Variants in PSMC4 observed in about 807,000 individuals in gnomAD.
PSMC4 encodes 26S proteasome regulatory subunit 6B.
In PSMC4, 13 loss-of-function variants were observed where a neutral mutation model predicts 48.4. The ratio of observed to expected loss-of-function variants is 0.27; its 90% CI spans 0.18 to 0.43. The LOEUF (loss-of-function observed/expected upper bound fraction) is 0.43. Among genes scored for constraint, PSMC4 ranks in the 20% least tolerant of loss-of-function variants. PSMC4 has a pLI of 1.00. For synonymous variants in PSMC4, 202 were observed against 212.3 expected (o/e 0.95, Z 0.42); for missense variants, 262 against 555.9 (o/e 0.47, Z 5.32).
chr19:39,973,553 A>C (rs1971140821), intron 3 of PSMC4, among the ~76,000 whole-genome samples: 1 of 147,582 alleles, frequency 6.8e-6, no homozygotes, highest in African/African-American at 2.5e-5. Context: ...ACTGTACTAC[A>C]GCCTGGGTGA....
chr19:39,972,332 C>G (rs1388385319), intron 2 of PSMC4, 37 bp from the exon 3 acceptor site: 2 of 1,611,936 alleles, frequency 1.2e-6, no homozygotes, highest in East Asian at 4.5e-5. Flanking sequence ...ATCAGCAAGT[C>G]TGGAGCCATC....
rs749454770 is a variant in PSMC4 at position 39,974,758 on chromosome 19, C to T, written c.603C>T (p.Gly201=). Reference sequence around the variant, plus strand: ...AGATCGGCATCGATCCCCCCCGAGGCGTCCTCATGTATGGCCCACCTGGCT... The same window carrying T: ...AGATCGGCATCGATCCCCCCCGAGGTGTCCTCATGTATGGCCCACCTGGCT... The part of the protein sequence containing the change: ...YKQIGIDPPR[G]VLMYGPPGCG... The change falls in exon 6 of 11, where the codon GGC becomes GGT. Residue 201 remains glycine (G), a synonymous_variant. Coordinates refer to ENST00000157812, the MANE Select transcript of PSMC4 (RefSeq NM_006503.4). This position sits in a 1 kb window ranked among gnomAD's most constrained non-coding sequence, Gnocchi z 5.5. 10 of 1,613,992 alleles carry T rather than the reference C, an allele frequency of 6.2e-6. No individual in the cohort carries two copies. Among genetic ancestry groups the T allele is most frequent in the East Asian group, 2.2e-5 (1 of 44,886 alleles).
chr19:39,981,227 T>C lies in PSMC4; in HGVS notation c.1179T>C (p.Ile393=), dbSNP rs140312524. The C allele has an allele frequency of 4.8e-4, 768 of 1,613,920 alleles. No homozygotes were observed. Among genetic ancestry groups the C allele is most frequent in the Non-Finnish European group, 6.1e-4 (718 of 1,179,988 alleles). ...GMLAVRENRY[I]VLAKDFEKAY... ...TGGCTGTCCGTGAAAACCGCTACATTGTCCTGGCCAAGGACTTCGAGAAAG... is the reference window on the plus strand; with the variant it reads ...TGGCTGTCCGTGAAAACCGCTACATCGTCCTGGCCAAGGACTTCGAGAAAG... Residue 393 remains isoleucine (I), a synonymous_variant, in exon 11 of 11, where the codon ATT becomes ATC. Coordinates refer to ENST00000157812, the MANE Select transcript of PSMC4 (RefSeq NM_006503.4).
intron 3 of PSMC4, among the ~76,000 whole-genome samples, chr19:39,972,989 AC>A (rs1971129712): frequency 6.6e-6 from 1 of 151,366 alleles, no homozygotes; most frequent in African/African-American, 2.4e-5. Context: ...CAGGCGATCC[AC>A]CCGCCTCACC....
intron 3 of PSMC4, 98 bp downstream of exon 3, chr19:39,972,653 A>G (rs1396313934): frequency 2.9e-6 from 3 of 1,041,910 alleles, no homozygotes; most frequent in African/African-American, 3.2e-5. Flanking sequence ...GTGCAGTGCA[A>G]TGTTCTTCAG....
At chr19:39,976,589 C>T (rs1397469821) in intron 6 of PSMC4, among the ~76,000 whole-genome samples, 4 of 140,884 alleles carry the variant, frequency 2.8e-5, no homozygotes, top group East Asian at 2.3e-4. Flanking sequence ...GCTTACTGCA[C>T]GCTCTGCCTC....
intron 6 of PSMC4, among the ~76,000 whole-genome samples, 195 bp downstream of exon 6, chr19:39,975,023 G>A (rs1441075568): frequency 6.6e-6 from 1 of 152,200 alleles, no homozygotes; most frequent in African/African-American, 2.4e-5. Context: ...CCCGGTGATA[G>A]TGAGCAGTTA....
In PSMC4 at chr19:39,972,391, TC is replaced by T. The variant is rs1270360547; in HGVS notation, c.160del (p.Leu54TrpfsTer15). ...RYKKLQQELE[F>X]LEVQEEYIKD... ...CAGAAGCTGCAGCAAGAGCTGGAGT[TC>T]CTGGAGGTGCAGGAGGAATACATCA... On this transcript the variant is annotated frameshift_variant, in exon 3 of 11. Coordinates refer to ENST00000157812, the MANE Select transcript of PSMC4 (RefSeq NM_006503.4). LOFTEE classifies it high-confidence loss of function. The T allele has an allele frequency of 2.5e-6, 4 of 1,613,980 alleles. No individual in the cohort carries two copies. Among genetic ancestry groups the T allele is most frequent in the Non-Finnish European group, 3.4e-6 (4 of 1,179,972 alleles).
At chr19:39,971,855 G>A (rs73930678) in intron 1 of PSMC4, among the ~76,000 whole-genome samples, 9,558 of 152,120 alleles carry the variant, frequency 0.063, 998 homozygotes, top group African/African-American at 0.22. Context: ...GGTCTGATAA[G>A]GAGTTGATGT....
Position 39,980,468 on chromosome 19 carries a change from G to C in PSMC4, c.1087+14G>C. ...ACTTGGAAGACTGTATCCTGCTCCA[G>C]AAGTCAGGGAGGGGCCCTAGTTGGG... is the stretch of plus-strand genomic sequence containing the variant. On this transcript the variant is annotated intron_variant, in intron 9 of 10. Coordinates refer to ENST00000157812, the MANE Select transcript of PSMC4 (RefSeq NM_006503.4). This position sits in a 1 kb window ranked among gnomAD's most constrained non-coding sequence, Gnocchi z 4.8. 6.2e-7 allele frequency: 1 copy of C among 1,613,632 alleles called. No individual in the cohort carries two copies. The highest frequency in any genetic ancestry group is 8.5e-7 in the Non-Finnish European group (1 of 1,179,748).
In PSMC4 at chr19:39,974,904, T is replaced by C; in HGVS notation, c.673+76T>C. 1 of 1,360,458 alleles carries C rather than the reference T, an allele frequency of 7.4e-7. No homozygotes were observed. The highest frequency in any genetic ancestry group is 1.0e-6 in the Non-Finnish European group (1 of 972,954). The allele number at this position is 1,360,458 out of a possible 1,614,324, so 84.3% of individuals were successfully genotyped here. ...TTGCTCCCTGCTCGCTCACTGGCAC[T>C]GCACAGTAATTAGAAACAGACTCTG... On this transcript the variant is annotated intron_variant, in intron 6 of 10. Transcript: ENST00000157812. This position sits in a 1 kb window ranked among gnomAD's most constrained non-coding sequence, Gnocchi z 5.5.
intron 6 of PSMC4, among the ~76,000 whole-genome samples, chr19:39,976,250 T>C (rs202236761): frequency 1.0e-4 from 13 of 126,600 alleles, no homozygotes; most frequent in Non-Finnish European, 1.8e-4. Context: ...AAAAAATATA[T>C]ATATATATAT....
intron 1 of PSMC4, among the ~76,000 whole-genome samples, 165 bp downstream of exon 1, chr19:39,971,403 G>A (rs1469608926): frequency 1.3e-5 from 2 of 152,168 alleles, no homozygotes; most frequent in East Asian, 3.9e-4. Context: ...CTGTCTGGGT[G>A]GCCGAGTGAT....
chr19:39,980,962 A>G lies in PSMC4; in HGVS notation c.1144-230A>G, dbSNP rs45492292. 0.011 allele frequency among the ~76,000 whole-genome samples: 1,664 copies of G among 152,036 alleles called. 16 individuals carry two copies. The highest frequency in any genetic ancestry group is 0.015 in the Non-Finnish European group (1,012 of 67,964). Reference sequence around the variant, plus strand: ...GGGGCAATCATGACTCACTGCAGTGATCCTCCCACCTCAGCCTCCCAAGTA... The same window carrying G: ...GGGGCAATCATGACTCACTGCAGTGGTCCTCCCACCTCAGCCTCCCAAGTA... On this transcript the variant is annotated intron_variant, in intron 10 of 10. Coordinates refer to ENST00000157812, the MANE Select transcript of PSMC4 (RefSeq NM_006503.4). This position sits in a 1 kb window ranked among gnomAD's most constrained non-coding sequence, Gnocchi z 4.8.
At chr19:39,972,746 G>T (rs557304352) in intron 3 of PSMC4, among the ~76,000 whole-genome samples, 191 bp downstream of exon 3, 11 of 148,536 alleles carry the variant, frequency 7.4e-5, no homozygotes, top group Non-Finnish European at 1.6e-4. Flanking sequence ...TGTTTTTTTT[G>T]TTTGTTTGTT....
rs780495886 is a variant in PSMC4, at chr19:39,979,950, C to T, written c.807C>T (p.Ala269=). 2 of 1,614,076 alleles carry T rather than the reference C, an allele frequency of 1.2e-6. No homozygotes were observed. Among genetic ancestry groups the T allele is most frequent in the Non-Finnish European group, 1.7e-6 (2 of 1,180,026 alleles). ...PAIIFIDEID[A]IATKRFDAQT... Reference sequence around the variant, plus strand: ...TCATCTTCATAGACGAGATTGATGCCATCGCCACCAAGAGATTCGATGCTC... The same window carrying T: ...TCATCTTCATAGACGAGATTGATGCTATCGCCACCAAGAGATTCGATGCTC... Residue 269 remains alanine (A), a synonymous_variant, in exon 7 of 11, where the codon GCC becomes GCT. Transcript: ENST00000157812.
Position 39,974,445 on chromosome 19 carries a change from A to T in PSMC4, c.469+5A>T. ...GCATCATGATGCTCACCTCAGGTAA[A>T]GGGGGAGCCTGCAGCTGGGAGGGCC... is the stretch of plus-strand genomic sequence containing the variant. On this transcript the variant is annotated splice_donor_5th_base_variant and intron_variant, in intron 4 of 10. Transcript: ENST00000157812. This position sits in a 1 kb window ranked among gnomAD's most constrained non-coding sequence, Gnocchi z 5.5. 1 of 1,613,800 alleles carries T rather than the reference A, an allele frequency of 6.2e-7. No individual in the cohort carries two copies. Among genetic ancestry groups the T allele is most frequent in the Non-Finnish European group, 8.5e-7 (1 of 1,179,806 alleles).
In PSMC4 at chr19:39,980,429, C is replaced by T. The variant is rs747867144; in HGVS notation, c.1062C>T (p.Leu354=). 6.2e-7 allele frequency: 1 copy of T among 1,614,108 alleles called. No individual in the cohort carries two copies. Among genetic ancestry groups the T allele is most frequent in the Non-Finnish European group, 8.5e-7 (1 of 1,180,024 alleles). Residue 354 remains leucine, a synonymous_variant, in exon 9 of 11, where the codon CTC becomes CTT. Coordinates refer to ENST00000157812, the MANE Select transcript of PSMC4 (RefSeq NM_006503.4). This position sits in a 1 kb window ranked among gnomAD's most constrained non-coding sequence, Gnocchi z 4.8. ...IFSTITSKMN[L]SEEVDLEDYV... ...CCACTATCACTAGCAAGATGAACCT[C>T]TCTGAGGAGGTTGACTTGGAAGACT...
intron 1 of PSMC4, 26 bp from the exon 2 acceptor site, chr19:39,972,120 A>C: frequency 6.3e-7 from 1 of 1,593,578 alleles, no homozygotes; most frequent in Non-Finnish European, 8.6e-7. Flanking sequence ...GTCTTCTTCC[A>C]ATGTGAGTTA....
Sources: gnomAD v4.1 joint callset for allele counts (sites outside exome capture counted in the v4.1 genomes callset) on GRCh38, gnomAD v4.1.1 for gene constraint, Gnocchi (gnomAD v3.1) non-coding constraint, MANE v1.5 for transcripts, NCBI Gene and HGNC (gene_info 2026-07-23, HGNC 2026-07-21) for gene names.